The following PITPNC1 variants were observed in gnomAD, a reference collection of about 807,000 sequenced individuals.
PITPNC1 encodes the protein phosphatidylinositol transfer protein cytoplasmic 1.
In PITPNC1, 18 loss-of-function variants were observed where a neutral mutation model predicts 44.7. The observed-to-expected ratio is 0.40, with a 90% CI of 0.28 to 0.60. The LOEUF is 0.60. PITPNC1 is among the 20% of genes least tolerant of loss of function. PITPNC1 has a pLI of 0.39. For missense variants in PITPNC1, 290 were observed against 418.4 expected (o/e 0.69, Z 2.68); for synonymous variants, 141 against 149.6 (o/e 0.94, Z 0.42).
At chr17:67,402,579 A>G in intron 1 of PITPNC1, among the ~76,000 whole-genome samples, 1 of 148,968 alleles carries the variant, frequency 6.7e-6, no homozygotes, top group South Asian at 2.2e-4. Context: ...ACAAGCAGCC[A>G]TACCACAGCA....
intron 1 of PITPNC1, among the ~76,000 whole-genome samples, chr17:67,412,171 T>G (rs1032641041): frequency 2.6e-5 from 4 of 152,298 alleles, no homozygotes; most frequent in Non-Finnish European, 5.9e-5. Flanking sequence ...TGGCCCTCGG[T>G]AGGGACTTAG....
intron 1 of PITPNC1, among the ~76,000 whole-genome samples, chr17:67,438,797 ACTG>A (rs972026063): frequency 6.6e-6 from 1 of 152,250 alleles, no homozygotes; most frequent in Non-Finnish European, 1.5e-5. Context: ...AAAAAGCAGT[ACTG>A]CTGCTGACTT....
Position 67,380,465 on chromosome 17 carries a change from T to C in PITPNC1, c.48+2263T>C, listed in dbSNP as rs2037941126. Reference sequence around the variant, plus strand: ...AAATTCTTTAATGTATAATTCATTTTGGCCAAAGTATGATTCAGTTTCTGT... The same window carrying C: ...AAATTCTTTAATGTATAATTCATTTCGGCCAAAGTATGATTCAGTTTCTGT... On this transcript the variant is annotated intron_variant, in intron 1 of 8. Coordinates refer to ENST00000581322, the MANE Select transcript of PITPNC1 (RefSeq NM_012417.4). Among the ~76,000 whole-genome samples, 5 of 152,214 alleles carry C rather than the reference T, an allele frequency of 3.3e-5. No individual in the cohort carries two copies. The South Asian group carries it at 1.0e-3, about 32-fold the overall frequency.
intron 1 of PITPNC1, 82 bp downstream of exon 1, chr17:67,378,284 G>T: frequency 1.1e-6 from 1 of 929,502 alleles, no homozygotes; most frequent in South Asian, 2.0e-5. Context: ...AGCCCCGGGC[G>T]AGCGGCAGGA....
intron 1 of PITPNC1, among the ~76,000 whole-genome samples, chr17:67,516,189 G>A (rs533223939): frequency 6.6e-6 from 1 of 152,316 alleles, no homozygotes; most frequent in Admixed American, 6.5e-5. Flanking sequence ...TCAGCAACAT[G>A]CAGGAGTGAG....
At position 67,415,910 on chromosome 17, in the gene PITPNC1, T is replaced by TA. The variant is rs3840059; in HGVS notation, c.48+37721dup. On this transcript the variant is annotated intron_variant, in intron 1 of 8. Coordinates refer to ENST00000581322, the MANE Select transcript of PITPNC1 (RefSeq NM_012417.4). Reference sequence around the variant, plus strand: ...GTGACTTTTGAAAATCACGCTTACCTAAAAAAAAAAAAATCCTGAGTATGG... The same window carrying TA: ...GTGACTTTTGAAAATCACGCTTACCTAAAAAAAAAAAAAATCCTGAGTATGG... Among the ~76,000 whole-genome samples, 1,088 of 148,134 alleles carry TA rather than the reference T, an allele frequency of 7.3e-3. 4 individuals are homozygous for TA. The highest frequency in any genetic ancestry group is 0.011 in the Non-Finnish European group (755 of 66,762).
At chr17:67,486,769 T>C (rs2039783539) in intron 1 of PITPNC1, among the ~76,000 whole-genome samples, 1 of 152,166 alleles carries the variant, frequency 6.6e-6, no homozygotes, top group African/African-American at 2.4e-5. Context: ...GGAAACCTCC[T>C]CCTCTCTTGC....
intron 1 of PITPNC1, among the ~76,000 whole-genome samples, chr17:67,498,510 G>T (rs945970951): frequency 4.6e-5 from 7 of 152,220 alleles, no homozygotes; most frequent in Admixed American, 4.6e-4. Context: ...GAACTTGGGT[G>T]TGCAAATATC....
chr17:67,608,247 CA>C (rs775389038), intron 5 of PITPNC1, among the ~76,000 whole-genome samples: 2 of 113,764 alleles, frequency 1.8e-5, no homozygotes, highest in Admixed American at 9.1e-5. Flanking sequence ...AAAAAAAAAA[CA>C]AAAAAAAACA....
intron 1 of PITPNC1, among the ~76,000 whole-genome samples, chr17:67,478,388 G>A (rs1361159647): frequency 1.3e-5 from 2 of 152,194 alleles, no homozygotes; most frequent in African/African-American, 4.8e-5. Flanking sequence ...ATTTTGGGTA[G>A]CGCCTAAAAG....
chr17:67,576,631 C>T (rs750145192), intron 4 of PITPNC1, among the ~76,000 whole-genome samples: 3 of 151,430 alleles, frequency 2.0e-5, no homozygotes, highest in African/African-American at 7.4e-5. Flanking sequence ...CTAGCTAGAG[C>T]GTGGTTACAC....
At chr17:67,521,605 T>G (rs752065539) in intron 1 of PITPNC1, among the ~76,000 whole-genome samples, 2 of 151,444 alleles carry the variant, frequency 1.3e-5, no homozygotes, top group African/African-American at 4.9e-5. Context: ...CCTGTCTACA[T>G]GGAGAAATCT....
intron 1 of PITPNC1, chr17:67,408,666 T>A (rs1235607339): frequency 2.0e-5 from 3 of 149,136 alleles, no homozygotes; most frequent in Non-Finnish European, 3.0e-5. Context: ...CCTCCTTGCT[T>A]GCTTTCTCTT....
At chr17:67,675,010 C>T (rs1301004129) in intron 7 of PITPNC1, among the ~76,000 whole-genome samples, 1 of 114,112 alleles carries the variant, frequency 8.8e-6, no homozygotes, top group Non-Finnish European at 1.8e-5. Context: ...GACTCTGTCT[C>T]AAAAAAAAAA....
At chr17:67,405,636 C>T (rs1016696597) in intron 1 of PITPNC1, among the ~76,000 whole-genome samples, 10 of 149,030 alleles carry the variant, frequency 6.7e-5, no homozygotes, top group Admixed American at 4.0e-4. Flanking sequence ...GACAGGGTCT[C>T]GCTCTGTCGC....
intron 6 of PITPNC1, among the ~76,000 whole-genome samples, chr17:67,655,261 A>G (rs575913540): frequency 6.6e-6 from 1 of 152,160 alleles, no homozygotes; most frequent in East Asian, 1.9e-4. Flanking sequence ...AGTTTCTTTT[A>G]TAAGAGCACT....
chr17:67,413,404 T>G, intron 1 of PITPNC1, among the ~76,000 whole-genome samples: 1 of 149,386 alleles, frequency 6.7e-6, no homozygotes, highest in African/African-American at 2.5e-5. Flanking sequence ...TGCTTAATTT[T>G]CTTTCTTTCT....
intron 1 of PITPNC1, among the ~76,000 whole-genome samples, chr17:67,466,197 T>TGGGGGGGGGGGGGGG (rs146770264): frequency 1.7e-5 from 1 of 59,146 alleles, no homozygotes. Context: ...GATGGTGGGG[T>TGGGGGGGGGGGGGGG]GGGGGGGTGG....
intron 4 of PITPNC1, among the ~76,000 whole-genome samples, chr17:67,560,655 T>C (rs1412391569): frequency 6.6e-6 from 1 of 152,210 alleles, no homozygotes; most frequent in African/African-American, 2.4e-5. Context: ...GCACCCCAAT[T>C]AGTGCCTGGT....
Sources: gnomAD v4.1 joint callset for allele counts (sites outside exome capture counted in the v4.1 genomes callset) on GRCh38, gnomAD v4.1.1 for gene constraint, MANE v1.5 for transcripts, NCBI Gene and HGNC (gene_info 2026-07-23, HGNC 2026-07-21) for gene names.